TSPAN7: variants seen among roughly 807,000 people sequenced by gnomAD.
The protein encoded by TSPAN7 is tetraspanin 7.
Under a neutral mutation model 17.6 loss-of-function variants are expected in TSPAN7, and 1 was observed. That is an observed-to-expected ratio of 0.06 (90% CI 0.02 to 0.27). The LOEUF is 0.27. TSPAN7 is among the 10% of genes least tolerant of loss of function. The pLI, the probability that TSPAN7 is intolerant of heterozygous loss-of-function variation, is 1.00. For missense variants in TSPAN7, 112 were observed against 201.7 expected (o/e 0.56, Z 2.69); for synonymous variants, 78 against 79.0 (o/e 0.99, Z 0.07).
intron 1 of TSPAN7, among the ~76,000 whole-genome samples, chrX:38,621,156 T>C (rs1185591272): frequency 8.9e-6 from 1 of 112,123 alleles, no homozygotes; most frequent in Non-Finnish European, 1.9e-5. Flanking sequence ...AAGGATACCA[T>C]AGGTTTGGAA....
At chrX:38,625,872 G>C (rs1163598474) in intron 1 of TSPAN7, among the ~76,000 whole-genome samples, 2 of 112,021 alleles carry the variant, frequency 1.8e-5, no homozygotes, top group Non-Finnish European at 3.8e-5. Flanking sequence ...TCATCTGTGG[G>C]AACTTCGTGG....
At chrX:38,655,900 C>A in intron 1 of TSPAN7, 2 of 249,617 alleles carry the variant, frequency 8.0e-6, no homozygotes, top group Non-Finnish European at 7.7e-6. Context: ...AATGGAACTC[C>A]AGGAAAGCCA....
At chrX:38,631,830 G>T (rs1377343593) in intron 1 of TSPAN7, among the ~76,000 whole-genome samples, 1 of 111,610 alleles carries the variant, frequency 9.0e-6, no homozygotes, top group Non-Finnish European at 1.9e-5. Flanking sequence ...TAATGTGAGG[G>T]ATGTGGATTA....
intron 1 of TSPAN7, among the ~76,000 whole-genome samples, chrX:38,627,835 A>C (rs768204722): frequency 8.8e-6 from 1 of 113,262 alleles, no homozygotes; most frequent in East Asian, 2.8e-4. Context: ...ACAGACACTA[A>C]ACTGGTAATA....
At chrX:38,592,889 A>G (rs2069299390) in intron 1 of TSPAN7, among the ~76,000 whole-genome samples, 1 of 110,690 alleles carries the variant, frequency 9.0e-6, no homozygotes. Context: ...CTTTACATAG[A>G]CCCATATTTA....
At chrX:38,573,976 G>A (rs1325802155) in intron 1 of TSPAN7, among the ~76,000 whole-genome samples, 3 of 111,706 alleles carry the variant, frequency 2.7e-5, no homozygotes, top group Admixed American at 1.9e-4. Flanking sequence ...TTTCTCCACC[G>A]TAAAGTTGCT....
At position 38,566,657 on chromosome X, in the gene TSPAN7, TG is replaced by T. The variant is rs754458883; in HGVS notation, c.81+5031del. ...AATGATAGTTCAATCATTATATTTT[TG>T]TGATCAGTTAGTTTGTCAGACATTT... On this transcript the variant is annotated intron_variant, in intron 1 of 7. Coordinates refer to ENST00000378482, the MANE Select transcript of TSPAN7 (RefSeq NM_004615.4). Among the ~76,000 whole-genome samples, 3 of 112,143 alleles carry T rather than the reference TG, an allele frequency of 2.7e-5. 1 individual carries two copies. The South Asian group carries it at 1.1e-3, about 41-fold the overall frequency.
intron 1 of TSPAN7, among the ~76,000 whole-genome samples, chrX:38,661,197 G>A (rs1384025526): frequency 8.9e-6 from 1 of 112,541 alleles, no homozygotes; most frequent in South Asian, 3.7e-4. Flanking sequence ...TTGGCTACTC[G>A]TTCCCCTAAT....
At chrX:38,592,893 A>G (rs2069299399) in intron 1 of TSPAN7, among the ~76,000 whole-genome samples, 1 of 110,908 alleles carries the variant, frequency 9.0e-6, no homozygotes, top group African/African-American at 3.3e-5. Context: ...ACATAGACCC[A>G]TATTTATATC....
In TSPAN7 at chrX:38,623,640, G is replaced by T. The variant is rs953312159; in HGVS notation, c.82-42481G>T. On this transcript the variant is annotated intron_variant, in intron 1 of 7. Transcript: ENST00000378482. ...AGTGAGGGTTTTTTTTGCCATTAAA[G>T]TAATGGCAAGAACTTCACTCACTTT... 1.0e-4 allele frequency among the ~76,000 whole-genome samples: 11 copies of T among 105,390 alleles called. 1 individual carries two copies. The highest frequency in any genetic ancestry group is 2.8e-4 in the African/African-American group (8 of 28,920). 91.5% of individuals were successfully genotyped at this position (105,390 alleles called of 115,157 possible).
chrX:38,617,569 T>C (rs138199350), intron 1 of TSPAN7, among the ~76,000 whole-genome samples: 1 of 112,154 alleles, frequency 8.9e-6, no homozygotes, highest in African/African-American at 3.2e-5. Flanking sequence ...CTATAGACAA[T>C]ACAGAGTTTT....
At chrX:38,564,424 T>C (rs1255591237) in intron 1 of TSPAN7, among the ~76,000 whole-genome samples, 4 of 112,403 alleles carry the variant, frequency 3.6e-5, no homozygotes, top group East Asian at 2.8e-4. Context: ...GTCATTTAGC[T>C]ATCATGGATA....
intron 1 of TSPAN7, among the ~76,000 whole-genome samples, chrX:38,658,331 C>G (rs1033745315): frequency 9.3e-6 from 1 of 107,797 alleles, no homozygotes; most frequent in Non-Finnish European, 1.9e-5. Context: ...CAGGCATGTG[C>G]TGACACACCT....
intron 1 of TSPAN7, among the ~76,000 whole-genome samples, chrX:38,569,919 G>C (rs1404350319): frequency 9.0e-6 from 1 of 111,705 alleles, no homozygotes; most frequent in Admixed American, 9.5e-5. Flanking sequence ...CAATAGTCGG[G>C]CTATTCTAAT....
chrX:38,618,141 G>A (rs901057374), intron 1 of TSPAN7, among the ~76,000 whole-genome samples: 1 of 111,572 alleles, frequency 9.0e-6, no homozygotes, highest in East Asian at 2.8e-4. Flanking sequence ...AGAACAGGAA[G>A]CATGAATTCT....
At chrX:38,626,718 C>T (rs2069524780) in intron 1 of TSPAN7, among the ~76,000 whole-genome samples, 1 of 111,687 alleles carries the variant, frequency 9.0e-6, no homozygotes, top group Admixed American at 9.5e-5. Context: ...TGTAGGGGTG[C>T]TGCAGTGAGT....
At chrX:38,673,335 A>G (rs905885938) in intron 3 of TSPAN7, among the ~76,000 whole-genome samples, 2 of 109,619 alleles carry the variant, frequency 1.8e-5, no homozygotes, top group Admixed American at 9.8e-5. Flanking sequence ...CCCCAAAGTC[A>G]AATGTGGTAA....
intron 1 of TSPAN7, among the ~76,000 whole-genome samples, chrX:38,608,043 A>G (rs1439935943): frequency 1.8e-5 from 2 of 110,580 alleles, no homozygotes; most frequent in Non-Finnish European, 3.8e-5. Flanking sequence ...TTTAGGAAAT[A>G]TGGGAGAACT....
At chrX:38,662,028 A>G (rs2069749172) in intron 1 of TSPAN7, among the ~76,000 whole-genome samples, 1 of 111,437 alleles carries the variant, frequency 9.0e-6, no homozygotes, top group African/African-American at 3.3e-5. Context: ...AAACATTTTT[A>G]TAGCAAGAAG....
Sources: gnomAD v4.1 joint callset for allele counts (sites outside exome capture counted in the v4.1 genomes callset) on GRCh38, gnomAD v4.1.1 for gene constraint, MANE v1.5 for transcripts, NCBI Gene and HGNC (gene_info 2026-07-23, HGNC 2026-07-21) for gene names.